KCNQ1: variants seen among roughly 807,000 people sequenced by gnomAD.
KCNQ1 encodes the protein potassium voltage-gated channel subfamily KQT member 1.
A neutral mutation model predicts 72.4 loss-of-function variants in KCNQ1; 49 were observed. That is an observed-to-expected ratio of 0.68 (90% CI 0.54 to 0.86). KCNQ1 has a LOEUF of 0.86. Among genes scored for constraint, KCNQ1 ranks in the 40% least tolerant of loss-of-function variants. KCNQ1 has a pLI of 0.00. For missense variants in KCNQ1, 790 were observed against 945.1 expected (o/e 0.84, Z 2.15); for synonymous variants, 450 against 412.6 (o/e 1.09, Z -1.10).
At position 2,475,978 on chromosome 11, in the gene KCNQ1, A is replaced by T. The variant is rs1280284622; in HGVS notation, c.386+30494A>T. 6.6e-6 allele frequency among the ~76,000 whole-genome samples: 1 copy of T among 152,232 alleles called. No homozygotes were observed. Among genetic ancestry groups the T allele is most frequent in the Non-Finnish European group, 1.5e-5 (1 of 68,046 alleles). ...GCTCAGTCTTGGGTATGTCTTTATC[A>T]GCAGTGTGAAAACGGACTAATACTG... On this transcript the variant is annotated intron_variant, in intron 1 of 15. Coordinates refer to ENST00000155840, the MANE Select transcript of KCNQ1 (RefSeq NM_000218.3). The surrounding 1 kb of genome is among the most constrained non-coding windows in gnomAD (Gnocchi z 5.8).
chr11:2,603,667 T>G lies in KCNQ1; in HGVS notation c.1393+14813T>G, dbSNP rs981700845. 6.6e-6 allele frequency among the ~76,000 whole-genome samples: 1 copy of G among 152,158 alleles called. No homozygotes were observed. Among genetic ancestry groups the G allele is most frequent in the Admixed American group, 6.5e-5 (1 of 15,280 alleles). On this transcript the variant is annotated intron_variant, in intron 10 of 15. Coordinates refer to ENST00000155840, the MANE Select transcript of KCNQ1 (RefSeq NM_000218.3). The surrounding 1 kb of genome is among the most constrained non-coding windows in gnomAD (Gnocchi z 4.1). ...GACTGGTTACTTTCACTTAGCATCA[T>G]GTTTTCAAGGTTTGTGCTTCAGTGC...
chr11:2,759,122 TC>T lies in KCNQ1; in HGVS notation c.1515-9719del, dbSNP rs56200206. On this transcript the variant is annotated intron_variant, in intron 11 of 15. Transcript: ENST00000155840. The surrounding 1 kb of genome is among the most constrained non-coding windows in gnomAD (Gnocchi z 4.4). ...GACCTCTTGGTACTTTTTTTTTTTT[TC>T]CCAACTTCCTAGGAGTCTATAATTG... Among the ~76,000 whole-genome samples the T allele has an allele frequency of 0.73, 109,145 of 149,300 alleles. 40,079 individuals carry two copies. The highest frequency in any genetic ancestry group is 0.83 in the African/African-American group (33,724 of 40,596).
chr11:2,508,622 C>A lies in KCNQ1; in HGVS notation c.387-19306C>A, dbSNP rs1847144577. Among the ~76,000 whole-genome samples, 1 of 152,148 alleles carries A rather than the reference C, an allele frequency of 6.6e-6. No individual in the cohort carries two copies. The highest frequency in any genetic ancestry group is 1.5e-5 in the Non-Finnish European group (1 of 68,020). ...CCAGACTCCCAGACTAGCAGGTGGG[C>A]TTCTCAGAGCACAGAGGGTGTGGGT... On this transcript the variant is annotated intron_variant, in intron 1 of 15. Coordinates refer to ENST00000155840, the MANE Select transcript of KCNQ1 (RefSeq NM_000218.3). This position sits in a 1 kb window ranked among gnomAD's most constrained non-coding sequence, Gnocchi z 6.2.
chr11:2,796,596 G>T (rs1169356215), intron 15 of KCNQ1, among the ~76,000 whole-genome samples: 1 of 152,228 alleles, frequency 6.6e-6, no homozygotes. Flanking sequence ...GCCCCGAAGG[G>T]GCCTGTGTCC....
In KCNQ1 at chr11:2,752,118, G is replaced by A. The variant is rs1286416715; in HGVS notation, c.1515-16726G>A. Among the ~76,000 whole-genome samples, 7 of 152,348 alleles carry A rather than the reference G, an allele frequency of 4.6e-5. No individual in the cohort carries two copies. Among genetic ancestry groups the A allele is most frequent in the African/African-American group, 7.2e-5 (3 of 41,578 alleles). On this transcript the variant is annotated intron_variant, in intron 11 of 15. Coordinates refer to ENST00000155840, the MANE Select transcript of KCNQ1 (RefSeq NM_000218.3). The surrounding 1 kb of genome is among the most constrained non-coding windows in gnomAD (Gnocchi z 5.2). ...TTCCACCACAAGACTGTTTGTAGCC[G>A]AGCTTGGGAGTTGTGTTGTGTAGTG...
In KCNQ1 at chr11:2,563,972, G is replaced by A. The variant is rs577569331; in HGVS notation, c.478-6656G>A. On this transcript the variant is annotated intron_variant, in intron 2 of 15. Coordinates refer to ENST00000155840, the MANE Select transcript of KCNQ1 (RefSeq NM_000218.3). The surrounding 1 kb of genome is among the most constrained non-coding windows in gnomAD (Gnocchi z 7.4). ...CACAGCTGGAGTGCGGCAGATACTC[G>A]GGGCCGCTGGGTGGCCCTGAAGGCC... Among the ~76,000 whole-genome samples the A allele has an allele frequency of 1.9e-4, 29 of 152,344 alleles. No individual in the cohort carries two copies. Among genetic ancestry groups the A allele is most frequent in the Admixed American group, 6.5e-4 (10 of 15,304 alleles).
At chr11:2,532,564 C>G (rs1847658750) in intron 2 of KCNQ1, among the ~76,000 whole-genome samples, 1 of 152,188 alleles carries the variant, frequency 6.6e-6, no homozygotes, top group African/African-American at 2.4e-5. Context: ...GGCGGATGTA[C>G]AGACACATCA....
In KCNQ1 at chr11:2,608,992, AT is replaced by A; in HGVS notation, c.1393+20141del. 2.5e-6 allele frequency: 1 copy of A among 397,048 alleles called. No homozygotes were observed. Among genetic ancestry groups the A allele is most frequent in the East Asian group, 3.6e-5 (1 of 28,006 alleles). The allele number at this position is 397,048 out of a possible 1,614,324, so 24.6% of individuals were successfully genotyped here. Reference sequence around the variant, plus strand: ...TTAATTTCAAAGAACCAAATTTTGGATTTGTTGACTTTATTATTTTTATATT... The same window carrying A: ...TTAATTTCAAAGAACCAAATTTTGGATTGTTGACTTTATTATTTTTATATT... On this transcript the variant is annotated intron_variant, in intron 10 of 15. Transcript: ENST00000155840. This position sits in a 1 kb window ranked among gnomAD's most constrained non-coding sequence, Gnocchi z 4.6.
chr11:2,707,599 C>G (rs932827864), intron 11 of KCNQ1, among the ~76,000 whole-genome samples: 7 of 152,182 alleles, frequency 4.6e-5, no homozygotes, highest in Non-Finnish European at 8.8e-5. Flanking sequence ...TGTGCACTGG[C>G]ACACTCCAAG....
intron 11 of KCNQ1, among the ~76,000 whole-genome samples, chr11:2,708,252 C>G (rs992110136): frequency 2.0e-5 from 3 of 152,222 alleles, no homozygotes; most frequent in Non-Finnish European, 4.4e-5. Flanking sequence ...GGAGACTTGA[C>G]TTTGACACTC....
rs1347075142 is a variant in KCNQ1 at position 2,808,871 on chromosome 11, T to C, written c.1794+30834T>C. Among the ~76,000 whole-genome samples the C allele has an allele frequency of 2.0e-5, 3 of 152,022 alleles. No homozygotes were observed. The East Asian group carries it at 5.8e-4, about 29-fold the overall frequency. On this transcript the variant is annotated intron_variant, in intron 15 of 15. Coordinates refer to ENST00000155840, the MANE Select transcript of KCNQ1 (RefSeq NM_000218.3). The surrounding 1 kb of genome is among the most constrained non-coding windows in gnomAD (Gnocchi z 6.0). ...GAGGATTAGGGGAGGGATAAATGGA[T>C]GGATGGATGAACACATGGACAATGG...
intron 1 of KCNQ1, among the ~76,000 whole-genome samples, chr11:2,502,016 CA>C (rs1847022398): frequency 6.6e-6 from 1 of 151,944 alleles, no homozygotes; most frequent in Admixed American, 6.6e-5. Flanking sequence ...TAAAAACTGT[CA>C]AAAACCTAGG....
In KCNQ1 at chr11:2,585,269, T is replaced by A; in HGVS notation, c.1090T>A (p.Phe364Ile). Residue 364 changes from phenylalanine to isoleucine, a missense_variant, in exon 8 of 16, where the codon TTC becomes ATC. Physicochemically the swap from Phe to Ile is conservative, Grantham distance 21. Around this residue, in one of 5 missense-constraint regions of KCNQ1, gnomAD observed 133 missense variants for 219.5 expected, o/e 0.61. Coordinates refer to ENST00000155840, the MANE Select transcript of KCNQ1 (RefSeq NM_000218.3). Reference sequence around the variant, plus strand: ...GCAGCAGAAGCAGAGGCAGAAGCACTTCAACCGGCAGATCCCGGCGGCAGC... The same window carrying A: ...GCAGCAGAAGCAGAGGCAGAAGCACATCAACCGGCAGATCCCGGCGGCAGC... ...KVQQKQRQKH[F>I]NRQIPAAASL... 1 of 1,614,062 alleles carries A rather than the reference T, an allele frequency of 6.2e-7. No homozygotes were observed. The highest frequency in any genetic ancestry group is 1.1e-5 in the South Asian group (1 of 91,090).
At chr11:2,821,030 T>G (rs907308378) in intron 15 of KCNQ1, among the ~76,000 whole-genome samples, 3 of 152,256 alleles carry the variant, frequency 2.0e-5, no homozygotes, top group Non-Finnish European at 4.4e-5. Flanking sequence ...GCCTTGCTTT[T>G]GCAGCTGCCT....
chr11:2,743,347 G>C (rs1425225763), intron 11 of KCNQ1, among the ~76,000 whole-genome samples: 2 of 152,224 alleles, frequency 1.3e-5, no homozygotes, highest in Non-Finnish European at 2.9e-5. Flanking sequence ...CATGAGGTAA[G>C]ACCCCACCCC....
chr11:2,527,493 G>C (rs1158194032), intron 1 of KCNQ1, among the ~76,000 whole-genome samples: 3 of 152,226 alleles, frequency 2.0e-5, no homozygotes, highest in Non-Finnish European at 4.4e-5. Flanking sequence ...GTTCAGAGTT[G>C]TGTAGCCACC....
rs1292842838 is a variant in KCNQ1 at position 2,759,687 on chromosome 11, A to G, written c.1515-9157A>G. 1.3e-5 allele frequency among the ~76,000 whole-genome samples: 2 copies of G among 152,186 alleles called. No individual in the cohort carries two copies. The highest frequency in any genetic ancestry group is 2.9e-5 in the Non-Finnish European group (2 of 68,016). On this transcript the variant is annotated intron_variant, in intron 11 of 15. Coordinates refer to ENST00000155840, the MANE Select transcript of KCNQ1 (RefSeq NM_000218.3). This position sits in a 1 kb window ranked among gnomAD's most constrained non-coding sequence, Gnocchi z 4.4. ...ATTCCAGAGTTAGAGGATCCTCCAG[A>G]AGGGGCCGAGAGCTTGTCCAGGCAG...
Position 2,563,118 on chromosome 11 carries a change from A to T in KCNQ1, c.478-7510A>T, listed in dbSNP as rs921912385. ...TCTTTCCCACGTGATTGATTGACAC[A>T]GGGACCTTCTCTAGGGTCCTAAATT... is the stretch of plus-strand genomic sequence containing the variant. On this transcript the variant is annotated intron_variant, in intron 2 of 15. Coordinates refer to ENST00000155840, the MANE Select transcript of KCNQ1 (RefSeq NM_000218.3). This position sits in a 1 kb window ranked among gnomAD's most constrained non-coding sequence, Gnocchi z 7.4. Among the ~76,000 whole-genome samples the T allele has an allele frequency of 4.6e-5, 7 of 152,224 alleles. No individual in the cohort carries two copies. Among genetic ancestry groups the T allele is most frequent in the African/African-American group, 1.7e-4 (7 of 41,456 alleles).
rs911213874 is a variant in KCNQ1, at chr11:2,565,257, C to T, written c.478-5371C>T. ...ACATCCCCCAGCAGCACACAAGGTC[C>T]CAACTTCTCCGGATCCTTGGGAGCA... On this transcript the variant is annotated intron_variant, in intron 2 of 15. Coordinates refer to ENST00000155840, the MANE Select transcript of KCNQ1 (RefSeq NM_000218.3). The surrounding 1 kb of genome is among the most constrained non-coding windows in gnomAD (Gnocchi z 5.6). Among the ~76,000 whole-genome samples, 5 of 152,126 alleles carry T rather than the reference C, an allele frequency of 3.3e-5. No homozygotes were observed. Among genetic ancestry groups the T allele is most frequent in the Non-Finnish European group, 4.4e-5 (3 of 68,006 alleles).
Sources: gnomAD v4.1 joint callset for allele counts (sites outside exome capture counted in the v4.1 genomes callset) on GRCh38, gnomAD v4.1.1 for gene constraint, gnomAD v4.1.1 regional missense constraint, Gnocchi (gnomAD v3.1) non-coding constraint, MANE v1.5 for transcripts, NCBI Gene and HGNC (gene_info 2026-07-23, HGNC 2026-07-21) for gene names.